ENOX2: variants seen among roughly 807,000 people sequenced by gnomAD.
ENOX2 encodes the protein ecto-NOX disulfide-thiol exchanger 2, also known as APK1 antigen.
A neutral mutation model predicts 45.0 loss-of-function variants in ENOX2; 36 were observed. The ratio of observed to expected loss-of-function variants is 0.80; its 90% confidence interval spans 0.61 to 1.06. The LOEUF (loss-of-function observed/expected upper bound fraction) is 1.06. ENOX2 is among the 50% of genes least tolerant of loss of function. The pLI is 0.00. For missense variants in ENOX2, 423 were observed against 462.5 expected (o/e 0.91, Z 0.78); for synonymous variants, 174 against 152.3 (o/e 1.14, Z -1.05).
chrX:130,680,792 C>A (rs923065243), intron 5 of ENOX2, among the ~76,000 whole-genome samples: 21 of 112,534 alleles, frequency 1.9e-4, no homozygotes, highest in Non-Finnish European at 3.9e-4. Flanking sequence ...TTATAGCTCA[C>A]ATGCAAAAAT....
intron 2 of ENOX2, among the ~76,000 whole-genome samples, chrX:130,898,791 T>G (rs1366983659): frequency 9.2e-6 from 1 of 108,289 alleles, no homozygotes; most frequent in Non-Finnish European, 1.9e-5. Context: ...GGGATAGATG[T>G]CCTGAGTATT....
chrX:130,902,895 C>A (rs2079171487), intron 1 of ENOX2, among the ~76,000 whole-genome samples, 154 bp downstream of exon 1: 1 of 108,480 alleles, frequency 9.2e-6, no homozygotes, highest in African/African-American at 3.4e-5. Flanking sequence ...AAAGCCCACC[C>A]CCGACTCCCA....
intron 2 of ENOX2, among the ~76,000 whole-genome samples, chrX:130,823,626 T>G (rs906095761): frequency 8.9e-6 from 1 of 112,081 alleles, no homozygotes; most frequent in Non-Finnish European, 1.9e-5. Context: ...TGTTCTTTAT[T>G]AAAATAATAT....
At chrX:130,645,980 G>A (rs1386399763) in intron 10 of ENOX2, 8 of 644,589 alleles carry the variant, frequency 1.2e-5, no homozygotes, top group Non-Finnish European at 1.8e-5. Flanking sequence ...ACCTCATCAC[G>A]GATGAACTCA....
chrX:130,708,598 A>G (rs2038100490), intron 3 of ENOX2, among the ~76,000 whole-genome samples: 2 of 112,088 alleles, frequency 1.8e-5, no homozygotes, highest in African/African-American at 6.5e-5. Flanking sequence ...ATCTTTTTCC[A>G]TGTCTGTCTC....
intron 3 of ENOX2, among the ~76,000 whole-genome samples, chrX:130,742,245 CTTTTTTTTTTTTTT>C (rs67776619): frequency 3.0e-4 from 18 of 60,170 alleles, no homozygotes; most frequent in African/African-American, 1.2e-3. Context: ...AGATAATTTC[CTTTTTTTTTTTTTT>C]TTTTTTTTTT....
At chrX:130,881,141 G>C (rs2078800884) in intron 2 of ENOX2, among the ~76,000 whole-genome samples, 1 of 111,726 alleles carries the variant, frequency 9.0e-6, no homozygotes, top group Non-Finnish European at 1.9e-5. Flanking sequence ...AAAAAATTCA[G>C]TTCCTCAGTT....
In ENOX2 at chrX:130,800,714, T is replaced by C. The variant is rs369199724; in HGVS notation, c.-182-17024A>G. 7.1e-5 allele frequency among the ~76,000 whole-genome samples: 8 copies of C among 112,331 alleles called. 1 individual carries two copies. The East Asian group carries it at 8.3e-4, about 12-fold the overall frequency. ...GTGGCTTGCTTATTGTTCTTAAACA[T>C]AGTTACATTTTAGAGGATAGTGAAT... On this transcript the variant is annotated intron_variant, in intron 2 of 14. Coordinates refer to ENST00000394363, the MANE Select transcript of ENOX2 (RefSeq NM_006375.4).
intron 2 of ENOX2, among the ~76,000 whole-genome samples, chrX:130,858,365 G>A (rs1025701139): frequency 4.5e-5 from 5 of 110,323 alleles, no homozygotes; most frequent in African/African-American, 9.9e-5. Flanking sequence ...TGATCCGCCC[G>A]CCTCCGCCTC....
At chrX:130,810,239 GTACTCAC>G (rs2077369749) in intron 2 of ENOX2, among the ~76,000 whole-genome samples, 1 of 110,632 alleles carries the variant, frequency 9.0e-6, no homozygotes, top group African/African-American at 3.3e-5. Context: ...CTTTAGGCTG[GTACTCAC>G]AGACTGAACC....
intron 3 of ENOX2, among the ~76,000 whole-genome samples, chrX:130,769,368 A>G (rs959907955): frequency 1.8e-5 from 2 of 111,994 alleles, no homozygotes; most frequent in Non-Finnish European, 1.9e-5. Flanking sequence ...AATTTTGGAA[A>G]AGGACAAGAT....
chrX:130,726,283 T>A (rs760020752), intron 3 of ENOX2, among the ~76,000 whole-genome samples: 1 of 111,991 alleles, frequency 8.9e-6, no homozygotes, highest in African/African-American at 3.2e-5. Context: ...CTTTCCCTTA[T>A]GAGATTTCCT....
At chrX:130,628,484 A>G (rs2035608216) in intron 13 of ENOX2, among the ~76,000 whole-genome samples, 3 of 112,879 alleles carry the variant, frequency 2.7e-5, no homozygotes, top group South Asian at 3.7e-4. Context: ...CAGTCTTTAA[A>G]TTAGACTTTA....
intron 3 of ENOX2, among the ~76,000 whole-genome samples, chrX:130,724,376 A>G (rs1603327409): frequency 8.9e-6 from 1 of 112,664 alleles, no homozygotes; most frequent in East Asian, 2.8e-4. Flanking sequence ...TTAGTACTGG[A>G]GCAGAGCCTG....
intron 3 of ENOX2, among the ~76,000 whole-genome samples, chrX:130,763,953 C>T (rs749276007): frequency 9.0e-6 from 1 of 110,807 alleles, no homozygotes; most frequent in African/African-American, 3.3e-5. Flanking sequence ...CTTCCTAGTC[C>T]TTTGGCTAAA....
At chrX:130,769,235 A>G (rs766150641) in intron 3 of ENOX2, among the ~76,000 whole-genome samples, 2 of 111,686 alleles carry the variant, frequency 1.8e-5, no homozygotes, top group Non-Finnish European at 3.8e-5. Context: ...TTAAGGCTTA[A>G]GCAGGCTTAA....
At chrX:130,673,616 T>A (rs1166465534) in intron 6 of ENOX2, among the ~76,000 whole-genome samples, 3 of 111,363 alleles carry the variant, frequency 2.7e-5, no homozygotes, top group African/African-American at 9.8e-5. Context: ...GAACTGACCC[T>A]GTCAGACAAA....
At chrX:130,863,718 T>A (rs1265188624) in intron 2 of ENOX2, among the ~76,000 whole-genome samples, 2 of 112,515 alleles carry the variant, frequency 1.8e-5, no homozygotes, top group African/African-American at 3.2e-5. Context: ...TTTCAGTTAC[T>A]AAACTAAAAT....
intron 2 of ENOX2, among the ~76,000 whole-genome samples, chrX:130,792,663 CGCGCCTGTAATCCCA>C (rs1386739437): frequency 6.3e-5 from 7 of 110,899 alleles, no homozygotes; most frequent in Non-Finnish European, 1.3e-4. Flanking sequence ...CATGGTGGCA[CGCGCCTGTAATCCCA>C]GCTACTCAGG....
Sources: allele counts gnomAD v4.1 joint callset (sites outside exome capture counted in the v4.1 genomes callset), GRCh38; gene constraint gnomAD v4.1.1; transcripts MANE v1.5; gene names NCBI Gene and HGNC (gene_info 2026-07-23, HGNC 2026-07-21).